TMEM91: variants seen among roughly 807,000 people sequenced by gnomAD.
TMEM91 encodes the protein transmembrane protein 91, also known as dispanin subfamily C member 3.
A neutral mutation model predicts 13.3 loss-of-function variants in TMEM91; 6 were observed. The observed-to-expected ratio is 0.45, with a 90% confidence interval of 0.25 to 0.89. The LOEUF is 0.89. Ranked by LOEUF, TMEM91 falls within the 40% of genes least tolerant of loss-of-function variation. The pLI, the probability that TMEM91 is intolerant of heterozygous loss-of-function variation, is 0.19. For synonymous variants in TMEM91, 87 were observed against 101.7 expected, an observed-to-expected ratio of 0.86 and a Z score of 0.87; for missense variants, 193 against 228.7, an observed-to-expected ratio of 0.84 and a Z score of 1.01.
chr19:41,383,342 C>T (rs536250006), intron 3 of TMEM91: 14 of 488,816 alleles, frequency 2.9e-5, no homozygotes, highest in East Asian at 4.3e-5. Context: ...GCGTGAGCCA[C>T]GGTGCCCAGC....
upstream of TMEM91, among the ~76,000 whole-genome samples, chr19:41,375,090 T>C (rs1290794672): frequency 6.6e-6 from 1 of 151,920 alleles, no homozygotes; most frequent in African/African-American, 2.4e-5. Context: ...CACCCCCTAC[T>C]GGACCCCACT....
rs918577417 is a variant in TMEM91 at position 41,383,995 on chromosome 19, G to A, written c.*122G>A. 1.1e-4 allele frequency: 159 copies of A among 1,465,752 alleles called. No homozygotes were observed. The South Asian group carries it at 1.3e-3, about 12-fold the overall frequency. The allele number at this position is 1,465,752 out of a possible 1,614,324, so 90.8% of individuals were successfully genotyped here. A position where few individuals can be genotyped will look rare whatever the true frequency, so the allele number is the denominator to read the frequency against. The stretch of plus-strand genomic sequence containing the variant: ...GGCAGGAGCATCTAGAAACGGGAGC[G>A]AGCTGGACTGGAACCCTTCCCCTTC... On this transcript the variant is annotated 3_prime_UTR_variant, in exon 4 of 4. Coordinates refer to ENST00000392002, the MANE Select transcript of TMEM91 (RefSeq NM_001098821.2).
At chr19:41,372,673 ATGTG>A (rs1403430878), upstream of TMEM91, among the ~76,000 whole-genome samples, 1 of 152,172 alleles carries the variant, frequency 6.6e-6, no homozygotes, top group Non-Finnish European at 1.5e-5. Flanking sequence ...AAGAAATGGT[ATGTG>A]TCTCCCTCTT....
upstream of TMEM91, among the ~76,000 whole-genome samples, chr19:41,375,273 C>CTTTTTTTTTTTTTTTTTTTT (rs906641411): frequency 6.8e-5 from 4 of 58,658 alleles, 1 homozygote; most frequent in African/African-American, 1.4e-4. Context: ...ATTTTCTTTT[C>CTTTTTTTTTTTTTTTTTTTT]TTTTTTTTTT....
chr19:41,375,608 G>C (rs1363376176), upstream of TMEM91, among the ~76,000 whole-genome samples: 1 of 150,520 alleles, frequency 6.6e-6, no homozygotes, highest in Non-Finnish European at 1.5e-5. Context: ...TGCAAAACAG[G>C]GATTAAAAAC....
chr19:41,364,736 G>A (rs927465892), intron 1 of TMEM91, among the ~76,000 whole-genome samples: 2 of 151,996 alleles, frequency 1.3e-5, no homozygotes, highest in Non-Finnish European at 2.9e-5. Context: ...TTGGGGTAGC[G>A]AAGAGAAATG....
At chr19:41,381,304 C>T (rs1463652580) in intron 2 of TMEM91, among the ~76,000 whole-genome samples, 2 of 151,680 alleles carry the variant, frequency 1.3e-5, no homozygotes, top group African/African-American at 2.4e-5. Context: ...CATCCTCCTG[C>T]CTCAGCCTCC....
upstream of TMEM91, chr19:41,376,388 A>G (rs2123180245): frequency 6.6e-6 from 1 of 152,352 alleles, no homozygotes; most frequent in South Asian, 2.1e-4. Flanking sequence ...ATACATGTGT[A>G]TGTAAGTTTA....
In TMEM91 at chr19:41,383,752, C is replaced by A. The variant is rs561075750; in HGVS notation, c.398C>A (p.Ala133Glu). The A allele has an allele frequency of 6.2e-7, 1 of 1,608,728 alleles. No individual in the cohort carries two copies. Among genetic ancestry groups the A allele is most frequent in the Non-Finnish European group, 8.5e-7 (1 of 1,176,968 alleles). The change falls in exon 4 of 4, where the codon GCA becomes GAA. Residue 133 changes from alanine to glutamate, a missense_variant. Ala to Glu is a moderately radical substitution (Grantham distance 107). Coordinates refer to ENST00000392002, the MANE Select transcript of TMEM91 (RefSeq NM_001098821.2). The part of the protein sequence containing the change: ...KAWAKGDIQG[A>E]GAASRRAFLL... ...TGGGCCAAGGGGGACATCCAGGGGG[C>A]AGGGGCCGCCTCCCGCCGTGCCTTC...
At chr19:41,378,035 CAAA>C (rs11449744) in intron 1 of TMEM91, among the ~76,000 whole-genome samples, 6 of 101,708 alleles carry the variant, frequency 5.9e-5, no homozygotes, top group South Asian at 3.4e-4. Context: ...GACTTTGTCT[CAAA>C]AAAAAAAAAA....
At chr19:41,365,224 C>T (rs1165310097) in intron 1 of TMEM91, among the ~76,000 whole-genome samples, 1 of 151,932 alleles carries the variant, frequency 6.6e-6, no homozygotes, top group East Asian at 1.9e-4. Context: ...ATTGGCTAGG[C>T]GCGGTGGCTC....
At position 41,379,385 on chromosome 19, in the gene TMEM91, T is replaced by A. The variant is rs570153928; in HGVS notation, c.210+866T>A. 9.4e-3 allele frequency among the ~76,000 whole-genome samples: 1,397 copies of A among 147,970 alleles called. 17 individuals carry two copies. The highest frequency in any genetic ancestry group is 0.015 in the Non-Finnish European group (1,034 of 67,056). On this transcript the variant is annotated intron_variant, in intron 2 of 3. Coordinates refer to ENST00000392002, the MANE Select transcript of TMEM91 (RefSeq NM_001098821.2). ...CCCATCTTAAAAAAAAAAAAAAAAATTAGCCAGGTGTGATGGCGTGTTCCT... is the reference window on the plus strand; with the variant it reads ...CCCATCTTAAAAAAAAAAAAAAAAAATAGCCAGGTGTGATGGCGTGTTCCT...
At chr19:41,375,537 CA>C (rs1238415258), upstream of TMEM91, among the ~76,000 whole-genome samples, 3 of 150,970 alleles carry the variant, frequency 2.0e-5, no homozygotes, top group Non-Finnish European at 3.0e-5. Context: ...CTCGGCCTCC[CA>C]AAGTGTTGGG....
intron 1 of TMEM91, among the ~76,000 whole-genome samples, chr19:41,364,382 T>TA (rs1479197654): frequency 6.6e-6 from 1 of 152,150 alleles, no homozygotes; most frequent in Non-Finnish European, 1.5e-5. Flanking sequence ...TTCTCCCAGA[T>TA]ACCTTCTTTA....
chr19:41,370,907 T>C (rs2038605753), intron 1 of TMEM91, among the ~76,000 whole-genome samples: 1 of 150,158 alleles, frequency 6.7e-6, no homozygotes, highest in Non-Finnish European at 1.5e-5. Context: ...TTCACCATGT[T>C]GGCCAGGATG....
chr19:41,372,217 C>T (rs1025031297), upstream of TMEM91, among the ~76,000 whole-genome samples: 6 of 152,024 alleles, frequency 3.9e-5, no homozygotes, highest in Non-Finnish European at 5.9e-5. Context: ...CATGGTTGTG[C>T]GTGCCTGTAA....
At chr19:41,366,440 C>G (rs1167013137) in intron 1 of TMEM91, among the ~76,000 whole-genome samples, 1 of 152,116 alleles carries the variant, frequency 6.6e-6, no homozygotes, top group Non-Finnish European at 1.5e-5. Flanking sequence ...GGGACCTTGT[C>G]TCTGGGGTCC....
rs758168178 is a variant in TMEM91 at position 41,382,858 on chromosome 19, T to C, written c.297T>C (p.Ala99=). The C allele has an allele frequency of 2.0e-5, 32 of 1,614,142 alleles. No individual in the cohort carries two copies. The highest frequency in any genetic ancestry group is 9.3e-5 in the African/African-American group (7 of 74,948). Reference sequence around the variant, plus strand: ...TACCCCACGACCACCTCGGCTTGGCTGTCTTCTCCATGCTGTGTTGTTTCT... The same window carrying C: ...TACCCCACGACCACCTCGGCTTGGCCGTCTTCTCCATGCTGTGTTGTTTCT... ...PFLPHDHLGL[A]VFSMLCCFWP... is the part of the protein sequence containing the mutation. Residue 99 remains alanine, a synonymous_variant, in exon 3 of 4, where the codon GCT becomes GCC. Coordinates refer to ENST00000392002, the MANE Select transcript of TMEM91 (RefSeq NM_001098821.2).
intron 2 of TMEM91, among the ~76,000 whole-genome samples, chr19:41,379,358 A>AC (rs2038814816): frequency 6.9e-6 from 1 of 144,044 alleles, no homozygotes. Context: ...AATTAGAAAG[A>AC]CCCCATCTTA....
Sources: allele counts gnomAD v4.1 joint callset (sites outside exome capture counted in the v4.1 genomes callset), GRCh38; gene constraint gnomAD v4.1.1; transcripts MANE v1.5; gene names NCBI Gene and HGNC (gene_info 2026-07-23, HGNC 2026-07-21).